RANBP17: variants seen among roughly 807,000 people sequenced by gnomAD.
RANBP17 encodes the protein ran-binding protein 17.
In RANBP17, 158 loss-of-function variants were observed where a neutral mutation model predicts 141.2. The observed-to-expected ratio is 1.12, with a 90% confidence interval of 0.98 to 1.28. The LOEUF (loss-of-function observed/expected upper bound fraction) is 1.28. Ranked by LOEUF, RANBP17 falls within the 50% of genes most tolerant of loss-of-function variation. The probability of loss-of-function intolerance (pLI) is 0.00; values close to 1 mark genes in which losing one functional copy is unlikely to be tolerated. For synonymous variants in RANBP17, 430 were observed against 450.0 expected (o/e 0.96, Z 0.56); for missense variants, 1,438 against 1,290.7 (o/e 1.11, Z -1.75).
rs562997556 is a variant in RANBP17 at position 171,267,532 on chromosome 5, G to A, written c.2943+1685G>A. On this transcript the variant is annotated intron_variant, in intron 25 of 27. Transcript: ENST00000523189. ...GCAATCATCAGAAAATGTTGGCCGG[G>A]CGCAGTGACTCACGCCTGTAATCTC... Among the ~76,000 whole-genome samples the A allele has an allele frequency of 3.3e-4, 50 of 152,230 alleles. 1 individual carries two copies. The South Asian group carries it at 0.01, about 32-fold the overall frequency.
chr5:171,199,710 T>TA lies in RANBP17; in HGVS notation c.2080dup (p.Thr694AsnfsTer5), dbSNP rs1432502991. 2 of 1,611,658 alleles carry TA rather than the reference T, an allele frequency of 1.2e-6. No homozygotes were observed. Among genetic ancestry groups the TA allele is most frequent in the Non-Finnish European group, 1.7e-6 (2 of 1,178,580 alleles). ...AATTTGAGAATTTCATGCTGCCTCTTACAGTTGCTTTTGAAACAGTATTAC... is the reference window on the plus strand; with the variant it reads ...AATTTGAGAATTTCATGCTGCCTCTTAACAGTTGCTTTTGAAACAGTATTAC... On this transcript the variant is annotated frameshift_variant, in exon 19 of 28. Transcript: ENST00000523189. LOFTEE classifies it high-confidence loss of function.
intron 1 of RANBP17, among the ~76,000 whole-genome samples, chr5:170,863,077 C>T (rs940100372): frequency 1.3e-5 from 2 of 152,190 alleles, no homozygotes; most frequent in African/African-American, 4.8e-5. Context: ...GATACAACAG[C>T]TCTGAACAAA....
At chr5:171,077,195 C>T (rs1784982780) in intron 14 of RANBP17, among the ~76,000 whole-genome samples, 1 of 152,030 alleles carries the variant, frequency 6.6e-6, no homozygotes, top group Admixed American at 6.6e-5. Context: ...AAAAAATTAG[C>T]CGGGTGTGGT....
Position 171,275,060 on chromosome 5 carries a change from T to C in RANBP17, c.2943+9213T>C, listed in dbSNP as rs369041710. Among the ~76,000 whole-genome samples, 25 of 152,284 alleles carry C rather than the reference T, an allele frequency of 1.6e-4. 1 individual carries two copies. In the East Asian group the frequency reaches 2.7e-3, roughly 16 times the overall value. On this transcript the variant is annotated intron_variant, in intron 25 of 27. Transcript: ENST00000523189. ...CCCATTGATAGCATAACTTGCCTTA[T>C]TAATTGAAAGGGATGGAATCCACCA...
chr5:171,213,500 G>A (rs1763031344), intron 20 of RANBP17, 131 bp from the exon 21 acceptor site: 4 of 664,666 alleles, frequency 6.0e-6, no homozygotes, highest in East Asian at 2.7e-5. Context: ...GTATAGTATA[G>A]ACATAGAACA....
At chr5:170,965,206 G>A (rs1380045416) in intron 13 of RANBP17, among the ~76,000 whole-genome samples, 1 of 151,410 alleles carries the variant, frequency 6.6e-6, no homozygotes, top group African/African-American at 2.4e-5. Flanking sequence ...CTTTTGAGAA[G>A]TATCTGTTCA....
Position 170,968,134 on chromosome 5 carries a change from C to T in RANBP17, c.1575-108C>T, listed in dbSNP as rs1776720827. 13 of 738,290 alleles carry T rather than the reference C, an allele frequency of 1.8e-5. No individual in the cohort carries two copies. In the South Asian group the frequency reaches 3.1e-4, roughly 18 times the overall value. 45.7% of individuals were successfully genotyped at this position (738,290 alleles called of 1,614,324 possible). On this transcript the variant is annotated intron_variant, in intron 13 of 27. Coordinates refer to ENST00000523189, the MANE Select transcript of RANBP17 (RefSeq NM_022897.5). ...TTTTCTTTATATTTTTTTATTTTCC[C>T]ACTTTTTACAGTGATTATATGTTAT...
chr5:170,978,795 C>T (rs987491180), intron 14 of RANBP17, among the ~76,000 whole-genome samples: 155 of 91,690 alleles, frequency 1.7e-3, no homozygotes, highest in African/African-American at 4.3e-3. Flanking sequence ...TGAGTGTATA[C>T]ATATATAAAG....
At chr5:171,104,310 T>G (rs1008722341) in intron 14 of RANBP17, among the ~76,000 whole-genome samples, 2 of 152,212 alleles carry the variant, frequency 1.3e-5, no homozygotes, top group African/African-American at 4.8e-5. Context: ...GTGCTGGGAT[T>G]ACAGGGGTGA....
chr5:170,934,352 C>A (rs1042585375), intron 12 of RANBP17, among the ~76,000 whole-genome samples: 1 of 151,942 alleles, frequency 6.6e-6, no homozygotes, highest in Non-Finnish European at 1.5e-5. Context: ...ACTGATGGGT[C>A]TTGAATTTGA....
intron 19 of RANBP17, among the ~76,000 whole-genome samples, chr5:171,200,471 G>A (rs1762236245): frequency 6.6e-6 from 1 of 152,144 alleles, no homozygotes; most frequent in Non-Finnish European, 1.5e-5. Context: ...GGGATGGGAA[G>A]CACAAGCACT....
intron 14 of RANBP17, among the ~76,000 whole-genome samples, chr5:171,022,069 G>A (rs1035677672): frequency 1.3e-5 from 2 of 152,002 alleles, no homozygotes; most frequent in African/African-American, 4.8e-5. Context: ...AAGGTTTGCT[G>A]GGTTTGCTGG....
chr5:171,225,352 T>C (rs1328632283), intron 22 of RANBP17, among the ~76,000 whole-genome samples: 1 of 152,234 alleles, frequency 6.6e-6, no homozygotes, highest in African/African-American at 2.4e-5. Context: ...TACATGCACT[T>C]TACATAGAAT....
intron 24 of RANBP17, among the ~76,000 whole-genome samples, chr5:171,258,948 T>C (rs1476010135): frequency 6.6e-6 from 1 of 152,116 alleles, no homozygotes; most frequent in Non-Finnish European, 1.5e-5. Context: ...ACCTGTTGAA[T>C]GGGAGAGAAT....
intron 19 of RANBP17, among the ~76,000 whole-genome samples, chr5:171,203,189 G>A (rs916351593): frequency 9.9e-5 from 15 of 152,158 alleles, no homozygotes; most frequent in African/African-American, 1.4e-4. Context: ...TAGGAGAGAG[G>A]CAACTTTTAA....
At chr5:170,915,210 A>G (rs1264847683) in intron 8 of RANBP17, among the ~76,000 whole-genome samples, 1 of 152,222 alleles carries the variant, frequency 6.6e-6, no homozygotes, top group Non-Finnish European at 1.5e-5. Flanking sequence ...TGCTTAAAAA[A>G]TAAAGTAGAA....
At chr5:171,064,703 T>G (rs1456503617) in intron 14 of RANBP17, among the ~76,000 whole-genome samples, 1 of 152,040 alleles carries the variant, frequency 6.6e-6, no homozygotes, top group African/African-American at 2.4e-5. Context: ...TTTTTTTTCA[T>G]AGACATGGGG....
chr5:170,959,339 C>G (rs1019585069), intron 13 of RANBP17, among the ~76,000 whole-genome samples: 12 of 152,324 alleles, frequency 7.9e-5, no homozygotes, highest in African/African-American at 2.6e-4. Context: ...TCCTATCACA[C>G]TTGAGACAAA....
At chr5:171,282,518 G>A (rs1184917373) in intron 25 of RANBP17, among the ~76,000 whole-genome samples, 2 of 151,996 alleles carry the variant, frequency 1.3e-5, no homozygotes, top group African/African-American at 2.4e-5. Flanking sequence ...GTTTTCTGTC[G>A]CCCAGGCTGG....
Sources: gnomAD v4.1 joint callset for allele counts (sites outside exome capture counted in the v4.1 genomes callset) on GRCh38, gnomAD v4.1.1 for gene constraint, MANE v1.5 for transcripts, NCBI Gene and HGNC (gene_info 2026-07-23, HGNC 2026-07-21) for gene names.